The following TOMM34 variants were observed in gnomAD, a reference collection of about 807,000 sequenced individuals.
The protein encoded by TOMM34 is mitochondrial import receptor subunit TOM34.
Under a neutral mutation model 37.4 loss-of-function variants are expected in TOMM34, and 24 were observed. The observed-to-expected ratio is 0.64, with a 90% CI of 0.46 to 0.90. The LOEUF (loss-of-function observed/expected upper bound fraction) is 0.90, where lower values mean the gene tolerates loss of function less well. Among genes scored for constraint, TOMM34 ranks in the 40% least tolerant of loss-of-function variants. The probability of loss-of-function intolerance (pLI) is 0.00; values close to 1 mark genes in which losing one functional copy is unlikely to be tolerated. For missense variants in TOMM34, 304 were observed against 375.6 expected (o/e 0.81, Z 1.58); for synonymous variants, 154 against 148.9 (o/e 1.03, Z -0.25).
rs761851712 is a variant in TOMM34, at chr20:44,942,219, G to A, written c.*890C>T. The A allele has an allele frequency of 6.6e-6, 1 of 152,238 alleles. No individual in the cohort carries two copies. Among genetic ancestry groups the A allele is most frequent in the Non-Finnish European group, 1.5e-5 (1 of 68,050 alleles). The allele number at this position is 152,238 out of a possible 1,614,324, so 9.4% of individuals were successfully genotyped here. The stretch of plus-strand genomic sequence containing the variant: ...CATAAATGAAAGCACAGCAGATATT[G>A]ATGTAGAAGAAAGCTTTTTAATGCA... On this transcript the variant is annotated 3_prime_UTR_variant, in exon 7 of 7. Transcript: ENST00000372813.
chr20:44,948,317 C>T (rs1006912665), intron 5 of TOMM34, among the ~76,000 whole-genome samples: 1 of 152,210 alleles, frequency 6.6e-6, no homozygotes, highest in African/African-American at 2.4e-5. Context: ...GGTTACTTCA[C>T]ATTTTGGCTT....
chr20:44,960,373 T>C lies in TOMM34; in HGVS notation c.-40A>G. 1 of 1,513,728 alleles carries C rather than the reference T, an allele frequency of 6.6e-7. No individual in the cohort carries two copies. The highest frequency in any genetic ancestry group is 2.6e-5 in the East Asian group (1 of 38,750). 93.8% of individuals were successfully genotyped at this position (1,513,728 alleles called of 1,614,324 possible). A position where few individuals can be genotyped will look rare whatever the true frequency, so the allele number is the denominator to read the frequency against. On this transcript the variant is annotated 5_prime_UTR_variant, in exon 1 of 7. Coordinates refer to ENST00000372813, the MANE Select transcript of TOMM34 (RefSeq NM_006809.5). ...GGCGAGTTGGGAGCTCCTTCCTTCCTCCCCCGTGTGGTGCGGCACACCTTC... is the reference window on the plus strand; with the variant it reads ...GGCGAGTTGGGAGCTCCTTCCTTCCCCCCCCGTGTGGTGCGGCACACCTTC...
intron 1 of TOMM34, chr20:44,959,971 C>G (rs2067110845): frequency 1.0e-6 from 1 of 985,420 alleles, no homozygotes; most frequent in South Asian, 4.7e-5. Context: ...GAGGGTTTAG[C>G]TTTCTTCTCA....
At chr20:44,957,454 G>C (rs372371845) in intron 1 of TOMM34, among the ~76,000 whole-genome samples, 2 of 152,098 alleles carry the variant, frequency 1.3e-5, no homozygotes, top group African/African-American at 4.8e-5. Flanking sequence ...GATTACAGAC[G>C]TGAGCCACCG....
intron 3 of TOMM34, 34 bp from the exon 4 acceptor site, chr20:44,952,036 C>T (rs770465115): frequency 1.9e-5 from 30 of 1,587,008 alleles, no homozygotes; most frequent in Non-Finnish European, 2.5e-5. Flanking sequence ...GGGAGGTTTC[C>T]AGCTGGGTCA....
chr20:44,959,837 T>TC (rs2145611879), intron 1 of TOMM34: 2 of 803,308 alleles, frequency 2.5e-6, no homozygotes, highest in Non-Finnish European at 3.0e-6. Flanking sequence ...ACTCACGTCC[T>TC]CCCCACCGCC....
At position 44,942,259 on chromosome 20, in the gene TOMM34, C is replaced by T. The variant is rs924519271; in HGVS notation, c.*850G>A. 9.9e-5 allele frequency: 15 copies of T among 152,224 alleles called. No homozygotes were observed. The highest frequency in any genetic ancestry group is 3.6e-4 in the African/African-American group (15 of 41,454). 9.4% of individuals were successfully genotyped at this position (152,224 alleles called of 1,614,324 possible). On this transcript the variant is annotated 3_prime_UTR_variant, in exon 7 of 7. Transcript: ENST00000372813. ...TTTTTAATGCAACAGCTTAAACACA[C>T]AGTTCAACAAAATCAGTCAATTCAA...
chr20:44,945,945 C>T (rs2066977303), intron 5 of TOMM34, among the ~76,000 whole-genome samples: 1 of 152,094 alleles, frequency 6.6e-6, no homozygotes, highest in Admixed American at 6.5e-5. Context: ...GCAACCTCCG[C>T]CTCCTGGGTT....
At chr20:44,959,316 T>C (rs374057904) in intron 1 of TOMM34, among the ~76,000 whole-genome samples, 2 of 152,332 alleles carry the variant, frequency 1.3e-5, no homozygotes, top group East Asian at 3.9e-4. Context: ...GGGTTTCTGA[T>C]TAAGTCACCC....
chr20:44,958,364 G>GTAAAATA, intron 1 of TOMM34: 1 of 471,476 alleles, frequency 2.1e-6, no homozygotes, highest in Non-Finnish European at 4.4e-6. Flanking sequence ...ACAAAGACTA[G>GTAAAATA]TAAAATACAT....
chr20:44,949,463 C>T (rs1322834107), intron 4 of TOMM34, among the ~76,000 whole-genome samples: 1 of 152,212 alleles, frequency 6.6e-6, no homozygotes. Context: ...TATCCTCCCT[C>T]ATCTAACACA....
chr20:44,960,158 G>A, intron 1 of TOMM34, 49 bp downstream of exon 1: 1 of 1,521,430 alleles, frequency 6.6e-7, no homozygotes, highest in African/African-American at 1.4e-5. Flanking sequence ...CGGTGGTTGC[G>A]GGAGTTGGAG....
rs758975134 is a variant in TOMM34, at chr20:44,955,181, C to T, written c.267G>A (p.Leu89=). The T allele has an allele frequency of 2.5e-6, 4 of 1,614,112 alleles. No individual in the cohort carries two copies. In the African/African-American group the frequency reaches 5.3e-5, roughly 22 times the overall value. The change falls in exon 3 of 7, where the codon CTG becomes CTA. Residue 89 remains leucine, a synonymous_variant. Transcript: ENST00000372813. Reference sequence around the variant, plus strand: ...GAGCCTCATAAGCAGATGCTCGCCGCAGCAGGGGCTTAATGCTGAAGGGAA... The same window carrying T: ...GAGCCTCATAAGCAGATGCTCGCCGTAGCAGGGGCTTAATGCTGAAGGGAA... ...ALVPFSIKPL[L]RRASAYEALE...
intron 4 of TOMM34, among the ~76,000 whole-genome samples, chr20:44,950,126 GT>G (rs2067013953): frequency 1.3e-5 from 2 of 152,138 alleles, no homozygotes; most frequent in African/African-American, 2.4e-5. Context: ...ATGCACACAG[GT>G]TTCTCTTGAA....
chr20:44,943,178 G>A lies in TOMM34; in HGVS notation c.861C>T (p.Leu287=). ...GACCATTCCTAGGCTCAATCTGTAG[G>A]AGGTTGCTGATGTCTGCAAAGCTGG... ...YKSSFADISN[L]LQIEPRNGPA... Residue 287 remains leucine, a synonymous_variant, in exon 7 of 7, where the codon CTC becomes CTT. Transcript: ENST00000372813. 6.2e-7 allele frequency: 1 copy of A among 1,614,140 alleles called. No homozygotes were observed. Among genetic ancestry groups the A allele is most frequent in the Non-Finnish European group, 8.5e-7 (1 of 1,180,024 alleles).
chr20:44,957,045 G>T (rs1191386604), intron 1 of TOMM34, among the ~76,000 whole-genome samples: 1 of 152,170 alleles, frequency 6.6e-6, no homozygotes, highest in South Asian at 2.1e-4. Flanking sequence ...ATTGAGCTGG[G>T]TGTGATGGGA....
rs1036122206 is a variant in TOMM34, at chr20:44,959,936, T to A, written c.127+271A>T. 8.1e-6 allele frequency: 8 copies of A among 985,280 alleles called. No individual in the cohort carries two copies. The African/African-American group carries it at 1.0e-4, about 13-fold the overall frequency. The allele number at this position is 985,280 out of a possible 1,614,324, so 61.0% of individuals were successfully genotyped here. On this transcript the variant is annotated intron_variant, in intron 1 of 6. Coordinates refer to ENST00000372813, the MANE Select transcript of TOMM34 (RefSeq NM_006809.5). Reference sequence around the variant, plus strand: ...TAACAGCTACTCAACAAATACTAACTGAAAAATGAATTGCTGCGGGGGAGG... The same window carrying A: ...TAACAGCTACTCAACAAATACTAACAGAAAAATGAATTGCTGCGGGGGAGG...
In TOMM34 at chr20:44,951,414, A is replaced by T. The variant is rs974909263; in HGVS notation, c.550+419T>A. On this transcript the variant is annotated intron_variant, in intron 4 of 6. Coordinates refer to ENST00000372813, the MANE Select transcript of TOMM34 (RefSeq NM_006809.5). ...GTCTGTTAATATACTGAGCTGCTGG[A>T]GCAAACCTTGCCTGAATTCTCTCGG... Among the ~76,000 whole-genome samples, 3 of 152,214 alleles carry T rather than the reference A, an allele frequency of 2.0e-5. No homozygotes were observed. In the South Asian group the frequency reaches 6.2e-4, roughly 31 times the overall value.
At chr20:44,950,753 TAGA>T (rs1460904933) in intron 4 of TOMM34, among the ~76,000 whole-genome samples, 1 of 152,150 alleles carries the variant, frequency 6.6e-6, no homozygotes, top group Non-Finnish European at 1.5e-5. Flanking sequence ...CATTCTCCTG[TAGA>T]AGGTGAGTAA....
Sources: gnomAD v4.1 joint callset for allele counts (sites outside exome capture counted in the v4.1 genomes callset) on GRCh38, gnomAD v4.1.1 for gene constraint, MANE v1.5 for transcripts, NCBI Gene and HGNC (gene_info 2026-07-23, HGNC 2026-07-21) for gene names.